SLC7A5: variants seen among roughly 807,000 people sequenced by gnomAD.
SLC7A5 encodes large neutral amino acids transporter small subunit 1.
In SLC7A5, 23 loss-of-function variants were observed where a neutral mutation model predicts 50.2. That is an observed-to-expected ratio of 0.46 (90% CI 0.33 to 0.65). The LOEUF (loss-of-function observed/expected upper bound fraction) is 0.65, where lower values mean the gene tolerates loss of function less well. SLC7A5 is among the 30% of genes least tolerant of loss of function. The probability of loss-of-function intolerance (pLI) is 0.02; values close to 1 mark genes in which losing one functional copy is unlikely to be tolerated. For synonymous variants in SLC7A5, 393 were observed against 330.6 expected, an observed-to-expected ratio of 1.19 and a Z score of -2.05; for missense variants, 578 against 684.4, an observed-to-expected ratio of 0.84 and a Z score of 1.73.
chr16:87,836,713 G>A, intron 7 of SLC7A5, 66 bp from the exon 8 acceptor site: 1 of 1,569,572 alleles, frequency 6.4e-7, no homozygotes. Context: ...GGCCGTGGTG[G>A]CCACCGGGGA....
At position 87,862,336 on chromosome 16, in the gene SLC7A5, C is replaced by A. The variant is rs1379706246; in HGVS notation, c.538+6549G>T. Among the ~76,000 whole-genome samples, 1 of 152,180 alleles carries A rather than the reference C, an allele frequency of 6.6e-6. No individual in the cohort carries two copies. The highest frequency in any genetic ancestry group is 2.1e-4 in the South Asian group (1 of 4,834). The stretch of plus-strand genomic sequence containing the variant: ...TCTCTGGTCACTGCTAACTGGCCAA[C>A]TGGCCTTTGAGTCCACTGACCACAG... On this transcript the variant is annotated intron_variant, in intron 1 of 9. Coordinates refer to ENST00000261622, the MANE Select transcript of SLC7A5 (RefSeq NM_003486.7). The surrounding 1 kb of genome is among the most constrained non-coding windows in gnomAD (Gnocchi z 5.3).
chr16:87,836,430 G>A (rs925219961), intron 8 of SLC7A5, 68 bp downstream of exon 8: 3 of 1,570,446 alleles, frequency 1.9e-6, no homozygotes, highest in African/African-American at 2.7e-5. Context: ...CCCAACTCAG[G>A]GTCCTTAGGA....
intron 8 of SLC7A5, 48 bp from the exon 9 acceptor site, chr16:87,834,639 C>G (rs1201326776): frequency 6.4e-7 from 1 of 1,551,416 alleles, no homozygotes. Context: ...GTCCAGCCTC[C>G]CTCCCCCATG....
At chr16:87,838,632 AC>A (rs2055042735) in intron 6 of SLC7A5, 81 bp downstream of exon 6, 1 of 1,087,776 alleles carries the variant, frequency 9.2e-7, no homozygotes, top group Admixed American at 1.7e-5. Flanking sequence ...ACAGAGACAA[AC>A]CTTTTACAGA....
Position 87,834,525 on chromosome 16 carries a change from T to C in SLC7A5, c.1357A>G (p.Lys453Glu). Reference sequence around the variant, plus strand: ...CCGATGCCACACTCCACGGGTGTCTTCCAGAAGGAGACGGCGATCAGGAAG... The same window carrying C: ...CCGATGCCACACTCCACGGGTGTCTCCCAGAAGGAGACGGCGATCAGGAAG... Reference protein sequence around the residue: ...CLFLIAVSFWKTPVECGIGFT... With the variant: ...CLFLIAVSFWETPVECGIGFT... The change falls in exon 9 of 10, where the codon AAG becomes GAG. Residue 453 changes from lysine to glutamate, a missense_variant. Lys to Glu is a moderately conservative substitution (Grantham distance 56, BLOSUM62 1). Around this residue, in one of 2 missense-constraint regions of SLC7A5, gnomAD observed 465 missense variants for 594.6 expected, o/e 0.78. Coordinates refer to ENST00000261622, the MANE Select transcript of SLC7A5 (RefSeq NM_003486.7). The C allele has an allele frequency of 6.3e-7, 1 of 1,597,956 alleles. No individual in the cohort carries two copies. The highest frequency in any genetic ancestry group is 8.5e-7 in the Non-Finnish European group (1 of 1,173,732).
At chr16:87,848,733 T>C (rs1178022035) in intron 2 of SLC7A5, among the ~76,000 whole-genome samples, 2 of 152,172 alleles carry the variant, frequency 1.3e-5, no homozygotes, top group East Asian at 3.9e-4. Context: ...GGGCCCCGCT[T>C]ATTCCCCACT....
chr16:87,864,217 A>C (rs1279846381), intron 1 of SLC7A5, among the ~76,000 whole-genome samples: 1 of 151,380 alleles, frequency 6.6e-6, no homozygotes, highest in African/African-American at 2.4e-5. Context: ...GCTTGAACCC[A>C]GGAGGCAGAG....
At position 87,861,665 on chromosome 16, in the gene SLC7A5, C is replaced by G. The variant is rs561708893; in HGVS notation, c.538+7220G>C. On this transcript the variant is annotated intron_variant, in intron 1 of 9. Coordinates refer to ENST00000261622, the MANE Select transcript of SLC7A5 (RefSeq NM_003486.7). The surrounding 1 kb of genome is among the most constrained non-coding windows in gnomAD (Gnocchi z 4.2). ...TGGCTCTCAACCTGGCCTGGGCCCC[C>G]GGGGGTCTGCGCAACCCACCCTTCT... Among the ~76,000 whole-genome samples the G allele has an allele frequency of 2.6e-5, 4 of 152,186 alleles. No individual in the cohort carries two copies. Among genetic ancestry groups the G allele is most frequent in the South Asian group, 4.1e-4 (2 of 4,832 alleles).
In SLC7A5 at chr16:87,851,757, T is replaced by TCAGGGC. The variant is rs1348385491; in HGVS notation, c.625_630dup (p.Ala209_Leu210dup). The TCAGGGC allele has an allele frequency of 6.2e-7, 1 of 1,613,050 alleles. No individual in the cohort carries two copies. The highest frequency in any genetic ancestry group is 8.5e-7 in the Non-Finnish European group (1 of 1,179,942). On this transcript the variant is annotated inframe_insertion, in exon 2 of 10. Coordinates refer to ENST00000261622, the MANE Select transcript of SLC7A5 (RefSeq NM_003486.7). ...ATCTGGACGAAGCCCAGCAGGATGATCAGGGCCAGGGCCAGGAGCTTGGCG... is the reference window on the plus strand; with the variant it reads ...ATCTGGACGAAGCCCAGCAGGATGATCAGGGCCAGGGCCAGGGCCAGGAGCTTGGCG...
intron 1 of SLC7A5, among the ~76,000 whole-genome samples, chr16:87,865,203 A>G (rs2055445007): frequency 1.3e-5 from 2 of 152,178 alleles, no homozygotes; most frequent in Admixed American, 1.3e-4. Flanking sequence ...TTTCCAAAAA[A>G]AAAAGCAACA....
intron 1 of SLC7A5, among the ~76,000 whole-genome samples, chr16:87,863,998 T>TAG (rs1555516648): frequency 7.3e-6 from 1 of 137,632 alleles, no homozygotes; most frequent in Non-Finnish European, 1.6e-5. Context: ...TATATATATA[T>TAG]ATATATATAT....
chr16:87,846,011 G>A (rs1271616590), intron 2 of SLC7A5, among the ~76,000 whole-genome samples: 2 of 152,226 alleles, frequency 1.3e-5, no homozygotes, highest in Non-Finnish European at 2.9e-5. Flanking sequence ...AGGACACACT[G>A]AGCTCCCAGA....
intron 2 of SLC7A5, among the ~76,000 whole-genome samples, chr16:87,843,436 T>C (rs1008469688): frequency 5.7e-5 from 8 of 140,082 alleles, no homozygotes; most frequent in African/African-American, 1.6e-4. Context: ...TTAGTAGAGA[T>C]GGGGTTTCAC....
chr16:87,860,289 T>C lies in SLC7A5; in HGVS notation c.539-8440A>G, dbSNP rs1398020888. Among the ~76,000 whole-genome samples, 1 of 133,698 alleles carries C rather than the reference T, an allele frequency of 7.5e-6. No homozygotes were observed. Among genetic ancestry groups the C allele is most frequent in the Non-Finnish European group, 1.5e-5 (1 of 65,578 alleles). 87.7% of individuals were successfully genotyped at this position (133,698 alleles called of 152,430 possible). A position where few individuals can be genotyped will look rare whatever the true frequency, so the allele number is the denominator to read the frequency against. ...CGGAGGTTGCAGTGAACTGAGATCA[T>C]ACCACTGCACTCCAGCCCGAGTAAC... On this transcript the variant is annotated intron_variant, in intron 1 of 9. Transcript: ENST00000261622. The surrounding 1 kb of genome is among the most constrained non-coding windows in gnomAD (Gnocchi z 4.8).
At chr16:87,834,719 G>C in intron 8 of SLC7A5, 128 bp from the exon 9 acceptor site, 2 of 910,426 alleles carry the variant, frequency 2.2e-6, no homozygotes, top group Non-Finnish European at 3.5e-6. Flanking sequence ...ACCAAGATGC[G>C]ATCTGCACTC....
intron 2 of SLC7A5, among the ~76,000 whole-genome samples, chr16:87,846,578 G>A (rs1191154533): frequency 2.6e-5 from 4 of 152,218 alleles, no homozygotes. Context: ...GTCCACACAA[G>A]AGGAGGCCCC....
chr16:87,843,520 A>C (rs987786104), intron 2 of SLC7A5, among the ~76,000 whole-genome samples: 8 of 151,948 alleles, frequency 5.3e-5, no homozygotes, highest in Non-Finnish European at 8.8e-5. Flanking sequence ...CTTGCAGCCC[A>C]GGGCAGCTGG....
At chr16:87,839,497 T>C (rs944116855) in intron 5 of SLC7A5, among the ~76,000 whole-genome samples, 2 of 152,186 alleles carry the variant, frequency 1.3e-5, no homozygotes, top group Admixed American at 6.5e-5. Flanking sequence ...GCAGCTGAGC[T>C]TGAGGATGAT....
rs575206523 is a variant in SLC7A5 at position 87,849,223 on chromosome 16, C to T, written c.664+2501G>A. On this transcript the variant is annotated intron_variant, in intron 2 of 9. Coordinates refer to ENST00000261622, the MANE Select transcript of SLC7A5 (RefSeq NM_003486.7). ...AGGGGGCAGCTGCCCAAGGGCTTTG[C>T]GTCCACTGGGGGGTATAAAGTTGGA... Among the ~76,000 whole-genome samples the T allele has an allele frequency of 4.1e-5, 5 of 122,136 alleles. No individual in the cohort carries two copies. The East Asian group carries it at 6.0e-4, about 15-fold the overall frequency. 80.1% of individuals were successfully genotyped at this position (122,136 alleles called of 152,430 possible).
Sources: allele counts gnomAD v4.1 joint callset (sites outside exome capture counted in the v4.1 genomes callset), GRCh38; gene constraint gnomAD v4.1.1; regional missense constraint gnomAD v4.1.1; non-coding constraint Gnocchi (gnomAD v3.1); transcripts MANE v1.5; gene names NCBI Gene and HGNC (gene_info 2026-07-23, HGNC 2026-07-21).